Variants in FGF18 observed in about 807,000 individuals in gnomAD.
FGF18 encodes fibroblast growth factor 18.
In FGF18, 5 loss-of-function variants were observed where a neutral mutation model predicts 23.0. The ratio of observed to expected loss-of-function variants is 0.22; its 90% CI spans 0.11 to 0.46. The LOEUF (loss-of-function observed/expected upper bound fraction) is 0.46. Among genes scored for constraint, FGF18 ranks in the 20% least tolerant of loss-of-function variants. The probability of loss-of-function intolerance (pLI) is 0.99; values close to 1 mark genes in which losing one functional copy is unlikely to be tolerated. For synonymous variants in FGF18, 117 were observed against 118.9 expected (o/e 0.98, Z 0.10); for missense variants, 180 against 291.6 (o/e 0.62, Z 2.79).
At chr5:171,435,991 G>A in intron 2 of FGF18, 102 bp from the exon 3 acceptor site, 1 of 939,276 alleles carries the variant, frequency 1.1e-6, no homozygotes, top group Non-Finnish European at 1.5e-6. Flanking sequence ...CTCAGAGCCG[G>A]TGTAGAGAAG....
Position 171,419,917 on chromosome 5 carries a change from C to A in FGF18, c.-283C>A. 6.3e-6 allele frequency: 1 copy of A among 158,664 alleles called. No homozygotes were observed. Among genetic ancestry groups the A allele is most frequent in the South Asian group, 2.0e-4 (1 of 5,044 alleles). The allele number at this position is 158,664 out of a possible 1,614,324, so 9.8% of individuals were successfully genotyped here. A position where few individuals can be genotyped will look rare whatever the true frequency, so the allele number is the denominator to read the frequency against. On this transcript the variant is annotated 5_prime_UTR_variant, in exon 1 of 5. Coordinates refer to ENST00000274625, the MANE Select transcript of FGF18 (RefSeq NM_003862.3). Reference sequence around the variant, plus strand: ...GCCGGCCAGCAGTGAGCGAGCTTCCCCGCACCGGCCAGGCGCCTCCTGCAC... The same window carrying A: ...GCCGGCCAGCAGTGAGCGAGCTTCCACGCACCGGCCAGGCGCCTCCTGCAC...
intron 3 of FGF18, among the ~76,000 whole-genome samples, chr5:171,442,450 G>A (rs962115822): frequency 3.9e-5 from 6 of 152,168 alleles, no homozygotes; most frequent in East Asian, 1.9e-4. Flanking sequence ...GGGGGAAGAC[G>A]CCTGGAGAGC....
At chr5:171,442,922 C>T (rs1581276586) in intron 3 of FGF18, among the ~76,000 whole-genome samples, 3 of 152,354 alleles carry the variant, frequency 2.0e-5, no homozygotes, top group East Asian at 1.9e-4. Context: ...TGTCTGCCTG[C>T]GTACCTTGGT....
In FGF18 at chr5:171,427,829, G is replaced by T. The variant is rs143631593; in HGVS notation, c.69+7386G>T. ...GATCCCCATCCCACCTTCTGCCTTG[G>T]AATCGCATAGCGCTTGGCCACTGTC... is the stretch of plus-strand genomic sequence containing the variant. On this transcript the variant is annotated intron_variant, in intron 2 of 4. Transcript: ENST00000274625. Among the ~76,000 whole-genome samples the T allele has an allele frequency of 4.0e-3, 616 of 152,274 alleles. 13 individuals carry two copies. The South Asian group carries it at 0.042, about 10-fold the overall frequency.
At position 171,419,710 on chromosome 5, in the gene FGF18, A is replaced by T. The variant is rs1336759381; in HGVS notation, c.-490A>T. The T allele has an allele frequency of 6.6e-6, 1 of 151,376 alleles. No homozygotes were observed. Among genetic ancestry groups the T allele is most frequent in the Non-Finnish European group, 1.5e-5 (1 of 67,784 alleles). 9.4% of individuals were successfully genotyped at this position (151,376 alleles called of 1,614,324 possible). A position where few individuals can be genotyped will look rare whatever the true frequency, so the allele number is the denominator to read the frequency against. Reference sequence around the variant, plus strand: ...AGGAGACATGAGCCGGCGGGCGCCCAGACGGAGCGGCCGTGACGCTTTCGC... The same window carrying T: ...AGGAGACATGAGCCGGCGGGCGCCCTGACGGAGCGGCCGTGACGCTTTCGC... On this transcript the variant is annotated 5_prime_UTR_variant, in exon 1 of 5. It introduces an in-frame stop codon into an upstream open reading frame of the 5' UTR. Transcript: ENST00000274625.
chr5:171,436,269 G>A lies in FGF18; in HGVS notation c.246G>A (p.Lys82=). The A allele has an allele frequency of 2.5e-6, 4 of 1,577,974 alleles. No individual in the cohort carries two copies. Among genetic ancestry groups the A allele is most frequent in the Non-Finnish European group, 3.5e-6 (4 of 1,159,186 alleles). The change falls in exon 3 of 5, where the codon AAG becomes AAA. Residue 82 remains lysine (K), a synonymous_variant. Transcript: ENST00000274625. This position sits in a 1 kb window ranked among gnomAD's most constrained non-coding sequence, Gnocchi z 4.4. ...GTGCCCGCGGCGAGGATGGGGACAA[G>A]TATGGTATGTGCCAACCCTCTCCTC... The part of the protein sequence containing the change: ...RISARGEDGD[K]YAQLLVETDT...
chr5:171,423,876 CT>C (rs1772056644), intron 2 of FGF18, among the ~76,000 whole-genome samples: 1 of 148,888 alleles, frequency 6.7e-6, no homozygotes, highest in Non-Finnish European at 1.5e-5. Flanking sequence ...TCAAGTCACT[CT>C]CCTCAGCCTC....
intron 2 of FGF18, among the ~76,000 whole-genome samples, chr5:171,421,725 T>C (rs547002077): frequency 3.0e-4 from 45 of 152,182 alleles, no homozygotes; most frequent in African/African-American, 9.4e-4. Flanking sequence ...GGGGCATCCA[T>C]TGGGGCTTGG....
Position 171,456,595 on chromosome 5 carries a change from C to T in FGF18, c.414C>T (p.Tyr138=), listed in dbSNP as rs370152562. ...TCGAGAAGGTTCTGGAGAACAACTA[C>T]ACGGCCCTGATGTCGGCTAAGTACT... is the stretch of plus-strand genomic sequence containing the variant. ...VFIEKVLENN[Y]TALMSAKYSG... is the part of the protein sequence containing the mutation. Residue 138 remains tyrosine (Y), a synonymous_variant, in exon 5 of 5, where the codon TAC becomes TAT. Transcript: ENST00000274625. The surrounding 1 kb of genome is among the most constrained non-coding windows in gnomAD (Gnocchi z 6.1). The T allele has an allele frequency of 1.2e-6, 2 of 1,614,054 alleles. No homozygotes were observed. Among genetic ancestry groups the T allele is most frequent in the Non-Finnish European group, 1.7e-6 (2 of 1,180,048 alleles).
At chr5:171,424,622 A>G (rs1261916416) in intron 2 of FGF18, among the ~76,000 whole-genome samples, 1 of 152,190 alleles carries the variant, frequency 6.6e-6, no homozygotes, top group Non-Finnish European at 1.5e-5. Context: ...GTCCTTAGAG[A>G]CATGCTAGGG....
chr5:171,425,383 G>A lies in FGF18; in HGVS notation c.69+4940G>A, dbSNP rs537594522. 3.0e-3 allele frequency among the ~76,000 whole-genome samples: 449 copies of A among 152,024 alleles called. 1 individual carries two copies. The highest frequency in any genetic ancestry group is 4.4e-3 in the Non-Finnish European group (297 of 67,988). The stretch of plus-strand genomic sequence containing the variant: ...CTCAGCCTGCATGCCACCATGTCTG[G>A]GTAATTTTTGTATTTTTAGTAGAGA... On this transcript the variant is annotated intron_variant, in intron 2 of 4. Transcript: ENST00000274625.
intron 2 of FGF18, among the ~76,000 whole-genome samples, chr5:171,421,137 C>A (rs1198339146): frequency 6.6e-6 from 1 of 152,148 alleles, no homozygotes; most frequent in African/African-American, 2.4e-5. Context: ...AAAGCACTTG[C>A]TAAAATCTGA....
chr5:171,421,451 C>T (rs1358527688), intron 2 of FGF18, among the ~76,000 whole-genome samples: 1 of 152,286 alleles, frequency 6.6e-6, no homozygotes, highest in East Asian at 1.9e-4. Context: ...GGTTGTCTGA[C>T]CCTTCCCCCT....
At chr5:171,442,129 C>T (rs959902347) in intron 3 of FGF18, among the ~76,000 whole-genome samples, 1 of 152,188 alleles carries the variant, frequency 6.6e-6, no homozygotes, top group Non-Finnish European at 1.5e-5. Flanking sequence ...TTGACTGACA[C>T]GGCTATGCTA....
At position 171,457,159 on chromosome 5, in the gene FGF18, A is replaced by T; in HGVS notation, c.*354A>T. ...CCTTTTTCCCAAAGGTTCTGAAAGG[A>T]AAAAAAAAAAAAACAAAAAAAAAGA... On this transcript the variant is annotated 3_prime_UTR_variant, in exon 5 of 5. Coordinates refer to ENST00000274625, the MANE Select transcript of FGF18 (RefSeq NM_003862.3). 7.0e-6 allele frequency: 1 copy of T among 143,492 alleles called. No individual in the cohort carries two copies. The allele number at this position is 143,492 out of a possible 1,614,324, so 8.9% of individuals were successfully genotyped here. A position where few individuals can be genotyped will look rare whatever the true frequency, so the allele number is the denominator to read the frequency against.
Position 171,420,460 on chromosome 5 carries a change from C to A in FGF18, c.69+17C>A. ...CAGGTACAGGTACGTGGGCTCCTGA[C>A]TTTGACCTCCTCCCGCCCCTGCCTC... On this transcript the variant is annotated intron_variant, in intron 2 of 4. Coordinates refer to ENST00000274625, the MANE Select transcript of FGF18 (RefSeq NM_003862.3). The A allele has an allele frequency of 6.2e-7, 1 of 1,612,244 alleles. No homozygotes were observed. Among genetic ancestry groups the A allele is most frequent in the Non-Finnish European group, 8.5e-7 (1 of 1,178,882 alleles).
intron 4 of FGF18, among the ~76,000 whole-genome samples, chr5:171,454,909 C>A (rs568880932): frequency 5.3e-5 from 8 of 152,378 alleles, no homozygotes; most frequent in Non-Finnish European, 1.0e-4. Flanking sequence ...AGACTAACAC[C>A]CTGCCTCCTC....
In FGF18 at chr5:171,445,176, C is replaced by T. The variant is rs147033528; in HGVS notation, c.251-3971C>T. ...CAGAGGAACGACATGTGCAAAAGCCCTGTGGTGGGAGCGTGCTTGGTGTGC... is the reference window on the plus strand; with the variant it reads ...CAGAGGAACGACATGTGCAAAAGCCTTGTGGTGGGAGCGTGCTTGGTGTGC... On this transcript the variant is annotated intron_variant, in intron 3 of 4. Transcript: ENST00000274625. Among the ~76,000 whole-genome samples the T allele has an allele frequency of 5.3e-3, 809 of 152,120 alleles. 3 individuals are homozygous for T. The highest frequency in any genetic ancestry group is 0.018 in the African/African-American group (746 of 41,506).
At chr5:171,422,829 C>G (rs911628536) in intron 2 of FGF18, among the ~76,000 whole-genome samples, 1 of 152,280 alleles carries the variant, frequency 6.6e-6, no homozygotes, top group African/African-American at 2.4e-5. Context: ...AATCCAGTGG[C>G]CTAGGCCTGA....
Sources: gnomAD v4.1 joint callset for allele counts (sites outside exome capture counted in the v4.1 genomes callset) on GRCh38, gnomAD v4.1.1 for gene constraint, Gnocchi (gnomAD v3.1) non-coding constraint, MANE v1.5 for transcripts, NCBI Gene and HGNC (gene_info 2026-07-23, HGNC 2026-07-21) for gene names.